The following FTCDNL1 variants were observed in gnomAD, a reference collection of about 807,000 sequenced individuals.
The protein encoded by FTCDNL1 is formiminotransferase cyclodeaminase N-terminal like.
Under a neutral mutation model 5.9 loss-of-function variants are expected in FTCDNL1, and 11 were observed. That is an observed-to-expected ratio of 1.87 (90% CI 1.18 to 3.10). The LOEUF (loss-of-function observed/expected upper bound fraction) is 3.10, where lower values mean the gene tolerates loss of function less well. FTCDNL1 is among the 30% of genes most tolerant of loss of function. The pLI, the probability that FTCDNL1 is intolerant of heterozygous loss-of-function variation, is 0.00. For missense variants in FTCDNL1, 115 were observed against 65.5 expected (o/e 1.76, Z -2.61); for synonymous variants, 58 against 24.8 (o/e 2.34, Z -3.99).
chr2:199,841,137 C>T (rs1047691722), intron 3 of FTCDNL1, among the ~76,000 whole-genome samples: 4 of 151,048 alleles, frequency 2.6e-5, no homozygotes, highest in African/African-American at 9.8e-5. Context: ...GCCAACCCAG[C>T]GAGATCCTGT....
the FTCDNL1 span, among the ~76,000 whole-genome samples, chr2:199,718,024 C>A: frequency 8.7e-5 from 13 of 149,312 alleles, no homozygotes; most frequent in African/African-American, 2.7e-4. Context: ...TCACTTAATT[C>A]TCCTGCAAAA....
intron 3 of FTCDNL1, among the ~76,000 whole-genome samples, chr2:199,774,623 T>C (rs1204015092): frequency 6.6e-6 from 1 of 152,118 alleles, no homozygotes; most frequent in Non-Finnish European, 1.5e-5. Flanking sequence ...GGGTTTTTTT[T>C]AGTGCACCCA....
chr2:199,672,047 A>G, the FTCDNL1 span, among the ~76,000 whole-genome samples: 2 of 152,250 alleles, frequency 1.3e-5, no homozygotes, highest in African/African-American at 4.8e-5. Flanking sequence ...ATGATATGCT[A>G]TCTTCCTTTA....
At chr2:199,833,242 G>T (rs1702493504) in intron 3 of FTCDNL1, among the ~76,000 whole-genome samples, 1 of 152,214 alleles carries the variant, frequency 6.6e-6, no homozygotes, top group Non-Finnish European at 1.5e-5. Flanking sequence ...AAAGTGCTGG[G>T]ATTACAGGCA....
chr2:199,737,396 G>A, the FTCDNL1 span, among the ~76,000 whole-genome samples: 1 of 152,000 alleles, frequency 6.6e-6, no homozygotes, highest in African/African-American at 2.4e-5. Flanking sequence ...AGATTGCCTT[G>A]GATACTTTTG....
chr2:199,768,129 T>A (rs758709813), intron 3 of FTCDNL1, among the ~76,000 whole-genome samples: 6 of 152,184 alleles, frequency 3.9e-5, no homozygotes, highest in Non-Finnish European at 5.9e-5. Context: ...TATAGACTTT[T>A]AGAAATATGA....
chr2:199,728,986 T>A, the FTCDNL1 span, among the ~76,000 whole-genome samples: 1 of 152,142 alleles, frequency 6.6e-6, no homozygotes, highest in Non-Finnish European at 1.5e-5. Context: ...GGAAAAAGCA[T>A]GAAGCAGCAG....
chr2:199,747,715 G>A, the FTCDNL1 span, among the ~76,000 whole-genome samples: 172 of 152,242 alleles, frequency 1.1e-3, 1 homozygote, highest in African/African-American at 3.9e-3. Flanking sequence ...GTGAGAAGTC[G>A]TCTGAACCAG....
chr2:199,684,897 T>C, the FTCDNL1 span, among the ~76,000 whole-genome samples: 3 of 152,192 alleles, frequency 2.0e-5, no homozygotes, highest in Admixed American at 6.5e-5. Context: ...ACAGGTGGCC[T>C]AGAAATAGAT....
chr2:199,825,365 C>G (rs1574631788), intron 3 of FTCDNL1, among the ~76,000 whole-genome samples: 1 of 152,120 alleles, frequency 6.6e-6, no homozygotes, highest in African/African-American at 2.4e-5. Flanking sequence ...AAGGCCACAG[C>G]TCCTGGAATG....
At chr2:199,836,691 G>A (rs1702767358) in intron 3 of FTCDNL1, among the ~76,000 whole-genome samples, 1 of 152,214 alleles carries the variant, frequency 6.6e-6, no homozygotes, top group African/African-American at 2.4e-5. Flanking sequence ...ACTTGAGTCT[G>A]GAAGGTCAAG....
At chr2:199,843,709 C>T (rs1188171644) in intron 3 of FTCDNL1, among the ~76,000 whole-genome samples, 2 of 152,132 alleles carry the variant, frequency 1.3e-5, no homozygotes, top group Non-Finnish European at 2.9e-5. Context: ...GAAAAGAATG[C>T]AATTATCCTA....
chr2:199,812,408 C>T lies in FTCDNL1; in HGVS notation c.*297G>A, dbSNP rs1347863231. On this transcript the variant is annotated 3_prime_UTR_variant, in exon 5 of 5. Transcript: ENST00000420128. ...ATTCTGTGTTTAAATCCAGCAGTCC[C>T]ATTGACCTTATTTAAATGCTGAATT... is the stretch of plus-strand genomic sequence containing the variant. 6.0e-6 allele frequency: 2 copies of T among 331,232 alleles called. No individual in the cohort carries two copies. Among genetic ancestry groups the T allele is most frequent in the Admixed American group, 4.8e-5 (1 of 20,898 alleles). 20.5% of individuals were successfully genotyped at this position (331,232 alleles called of 1,614,324 possible). A position where few individuals can be genotyped will look rare whatever the true frequency, so the allele number is the denominator to read the frequency against.
the FTCDNL1 span, among the ~76,000 whole-genome samples, chr2:199,721,701 A>C: frequency 1.3e-5 from 2 of 152,200 alleles, no homozygotes; most frequent in Non-Finnish European, 1.5e-5. Flanking sequence ...GAATCACCAC[A>C]CTGTCTGCCA....
the FTCDNL1 span, among the ~76,000 whole-genome samples, chr2:199,691,943 A>T: frequency 6.6e-6 from 1 of 152,340 alleles, no homozygotes; most frequent in Admixed American, 6.5e-5. Flanking sequence ...TGACTCTCAA[A>T]AAAATTCTCA....
intron 3 of FTCDNL1, among the ~76,000 whole-genome samples, chr2:199,795,748 G>A (rs1700140862): frequency 1.3e-5 from 2 of 152,184 alleles, no homozygotes; most frequent in Admixed American, 1.3e-4. Flanking sequence ...AAGGAGCAGG[G>A]GGGCCCTCTG....
the FTCDNL1 span, among the ~76,000 whole-genome samples, chr2:199,746,070 T>C: frequency 6.6e-6 from 1 of 152,204 alleles, no homozygotes; most frequent in Non-Finnish European, 1.5e-5. Context: ...ATGACCTTTA[T>C]CATATTCATA....
chr2:199,830,834 T>G (rs978237153), intron 3 of FTCDNL1, among the ~76,000 whole-genome samples: 4 of 152,262 alleles, frequency 2.6e-5, no homozygotes, highest in African/African-American at 9.6e-5. Context: ...TGACTAGAAC[T>G]GGATGTTATT....
At chr2:199,813,708 C>T (rs1206985007) in intron 4 of FTCDNL1, among the ~76,000 whole-genome samples, 2 of 151,878 alleles carry the variant, frequency 1.3e-5, no homozygotes, top group African/African-American at 4.8e-5. Flanking sequence ...GTAAGGAGTT[C>T]GAGACCAGCC....
Sources: allele counts gnomAD v4.1 joint callset (sites outside exome capture counted in the v4.1 genomes callset), GRCh38; gene constraint gnomAD v4.1.1; transcripts MANE v1.5; gene names NCBI Gene and HGNC (gene_info 2026-07-23, HGNC 2026-07-21).